Variants in RAD51C observed in about 807,000 individuals in gnomAD.
The protein encoded by RAD51C is RAD51 paralog C.
Under a neutral mutation model 45.0 loss-of-function variants are expected in RAD51C, and 42 were observed. That is an observed-to-expected ratio of 0.93 (90% confidence interval 0.73 to 1.21). The LOEUF is 1.21. Among genes scored for constraint, RAD51C ranks in the 50% most tolerant of loss-of-function variants. RAD51C has a pLI of 0.00. For synonymous variants in RAD51C, 172 were observed against 159.8 expected, an observed-to-expected ratio of 1.08 and a Z score of -0.58; for missense variants, 474 against 452.2, an observed-to-expected ratio of 1.05 and a Z score of -0.44.
chr17:58,729,632 C>T (rs780433270), intron 7 of RAD51C, among the ~76,000 whole-genome samples: 3 of 151,914 alleles, frequency 2.0e-5, no homozygotes, highest in Admixed American at 6.6e-5. Context: ...AGTGCAGTGG[C>T]GCCATATCGG....
chr17:58,696,987 A>G (rs1261396569), intron 3 of RAD51C, 128 bp downstream of exon 3: 1 of 1,133,436 alleles, frequency 8.8e-7, no homozygotes, highest in Non-Finnish European at 1.3e-6. Context: ...AACTAGTGTT[A>G]AACTCTTTTA....
At chr17:58,719,362 AC>A (rs1440261675) in intron 5 of RAD51C, among the ~76,000 whole-genome samples, 1 of 151,700 alleles carries the variant, frequency 6.6e-6, no homozygotes, top group Non-Finnish European at 1.5e-5. Flanking sequence ...ACAGTTGTGC[AC>A]CACCATGCCC....
chr17:58,714,063 C>A (rs1387462721), intron 5 of RAD51C, among the ~76,000 whole-genome samples: 1 of 151,926 alleles, frequency 6.6e-6, no homozygotes, highest in Non-Finnish European at 1.5e-5. Flanking sequence ...TGGCTCACTG[C>A]AGCCTCCACC....
Position 58,735,451 on chromosome 17 carries a change from C to G in RAD51C, c.*1229C>G, listed in dbSNP as rs1428115147. ...GTCTCAAGCGATCCTCTTGCCTTGT[C>G]TTCCCAAAGTGCTGGGATTACAGAT... On this transcript the variant is annotated 3_prime_UTR_variant, in exon 9 of 9. Transcript: ENST00000337432. 1.3e-5 allele frequency: 2 copies of G among 152,246 alleles called. No individual in the cohort carries two copies. Among genetic ancestry groups the G allele is most frequent in the African/African-American group, 2.4e-5 (1 of 41,450 alleles). The allele number at this position is 152,246 out of a possible 1,614,324, so 9.4% of individuals were successfully genotyped here.
In RAD51C at chr17:58,727,033, G is replaced by A. The variant is rs563604431; in HGVS notation, c.965+2933G>A. ...GACGGGGTTTCACCGTGTTAGCCAG[G>A]ATGGTCTCGATCTTCTGACCTCGTG... On this transcript the variant is annotated intron_variant, in intron 7 of 8. Transcript: ENST00000337432. 5.3e-5 allele frequency among the ~76,000 whole-genome samples: 8 copies of A among 151,706 alleles called. No individual in the cohort carries two copies. The East Asian group carries it at 1.6e-3, about 29-fold the overall frequency.
chr17:58,723,058 T>C (rs763326719), intron 6 of RAD51C, among the ~76,000 whole-genome samples: 1 of 152,148 alleles, frequency 6.6e-6, no homozygotes, highest in Admixed American at 6.6e-5. Flanking sequence ...GCTGGACACA[T>C]AAATTGCTGA....
intron 3 of RAD51C, among the ~76,000 whole-genome samples, chr17:58,700,501 G>A (rs1209335111): frequency 6.6e-6 from 1 of 152,040 alleles, no homozygotes; most frequent in Non-Finnish European, 1.5e-5. Flanking sequence ...GGAGTGCAGT[G>A]GCGCGATCTG....
At chr17:58,719,614 A>G (rs2048846721) in intron 5 of RAD51C, among the ~76,000 whole-genome samples, 1 of 152,122 alleles carries the variant, frequency 6.6e-6, no homozygotes, top group Admixed American at 6.6e-5. Flanking sequence ...TAGGACTTCA[A>G]GGACCACCTG....
chr17:58,729,507 GC>G (rs1347761248), intron 7 of RAD51C, among the ~76,000 whole-genome samples: 3 of 151,692 alleles, frequency 2.0e-5, no homozygotes, highest in African/African-American at 7.3e-5. Context: ...GAGCCACCGC[GC>G]CCGGCCTGAG....
intron 5 of RAD51C, among the ~76,000 whole-genome samples, chr17:58,717,088 C>T (rs1406917012): frequency 6.6e-6 from 1 of 151,896 alleles, no homozygotes; most frequent in Non-Finnish European, 1.5e-5. Context: ...CGTGAGCCAC[C>T]GCACCTGGCT....
chr17:58,710,500 C>CA (rs11421621), intron 5 of RAD51C, among the ~76,000 whole-genome samples: 24,183 of 86,718 alleles, frequency 0.28, 2,576 homozygotes, highest in African/African-American at 0.4. Context: ...CGTCTCAAGG[C>CA]AAAAAAAAAA....
intron 3 of RAD51C, 46 bp downstream of exon 3, chr17:58,696,905 AT>A (rs769543522): frequency 1.4e-5 from 23 of 1,600,200 alleles, no homozygotes; most frequent in Non-Finnish European, 2.0e-5. Context: ...AATAAAAGTA[AT>A]TTGCATTTGT....
intron 2 of RAD51C, 71 bp from the exon 3 acceptor site, chr17:58,696,622 T>C: frequency 6.3e-7 from 1 of 1,587,284 alleles, no homozygotes. Context: ...AACTTGTCAT[T>C]ATCTGGAGTT....
In RAD51C at chr17:58,734,183, C is replaced by T. The variant is rs863224805; in HGVS notation, c.1092C>T (p.Ser364=). Residue 364 remains serine, a synonymous_variant, in exon 9 of 9, where the codon AGC becomes AGT. Transcript: ENST00000337432. ...CATTGCAAACAGAAGGTTCCTTGAG[C>T]ACCCGGAAACGGTCACGAGACCCAG... The part of the protein sequence containing the change: ...ACSLQTEGSL[S]TRKRSRDPEE... 6.2e-7 allele frequency: 1 copy of T among 1,613,376 alleles called. No individual in the cohort carries two copies. The highest frequency in any genetic ancestry group is 8.5e-7 in the Non-Finnish European group (1 of 1,179,630).
Position 58,716,913 on chromosome 17 carries a change from G to A in RAD51C, c.838-3833G>A, listed in dbSNP as rs570578539. Among the ~76,000 whole-genome samples the A allele has an allele frequency of 2.0e-3, 304 of 150,176 alleles. 3 individuals are homozygous for A. The highest frequency in any genetic ancestry group is 3.3e-4 in the Non-Finnish European group (22 of 67,440). Reference sequence around the variant, plus strand: ...CCTCCTGGGTTCACACCATTCTCCTGCCTCAGCCTCCTGAGTAGCTGGGAC... The same window carrying A: ...CCTCCTGGGTTCACACCATTCTCCTACCTCAGCCTCCTGAGTAGCTGGGAC... On this transcript the variant is annotated intron_variant, in intron 5 of 8. Coordinates refer to ENST00000337432, the MANE Select transcript of RAD51C (RefSeq NM_058216.3).
chr17:58,729,403 G>C (rs920022707), intron 7 of RAD51C, among the ~76,000 whole-genome samples: 1 of 151,376 alleles, frequency 6.6e-6, no homozygotes, highest in African/African-American at 2.4e-5. Context: ...ATTTTTAGTT[G>C]AGATGGGGTT....
intron 5 of RAD51C, among the ~76,000 whole-genome samples, chr17:58,716,607 C>T (rs772252755): frequency 6.6e-6 from 1 of 150,396 alleles, no homozygotes; most frequent in Middle Eastern, 3.5e-3. Context: ...GGACTACAGG[C>T]GCATGCCACC....
intron 4 of RAD51C, among the ~76,000 whole-genome samples, chr17:58,709,470 G>A (rs1309522457): frequency 6.6e-6 from 1 of 152,070 alleles, no homozygotes; most frequent in South Asian, 2.1e-4. Flanking sequence ...GAACAGCTTT[G>A]TAACTTTCCA....
At chr17:58,694,679 T>G (rs1598454705) in intron 1 of RAD51C, 1 of 453,074 alleles carries the variant, frequency 2.2e-6, no homozygotes, top group South Asian at 2.1e-5. Context: ...TTCACCATGT[T>G]GGCCAGGCTG....
Sources: gnomAD v4.1 joint callset for allele counts (sites outside exome capture counted in the v4.1 genomes callset) on GRCh38, gnomAD v4.1.1 for gene constraint, MANE v1.5 for transcripts, NCBI Gene and HGNC (gene_info 2026-07-23, HGNC 2026-07-21) for gene names.